Variants in GRID2 observed in about 807,000 individuals in gnomAD.
GRID2 encodes the protein glutamate receptor ionotropic, delta-2.
GRID2 carries 33 observed loss-of-function variants against 114.8 expected under a neutral mutation model. The ratio of observed to expected loss-of-function variants is 0.29; its 90% confidence interval spans 0.22 to 0.38. The LOEUF (loss-of-function observed/expected upper bound fraction) is 0.38. Among genes scored for constraint, GRID2 ranks in the 10% least tolerant of loss-of-function variants. The pLI is 1.00. For synonymous variants in GRID2, 505 were observed against 449.9 expected, an observed-to-expected ratio of 1.12 and a Z score of -1.55; for missense variants, 1,184 against 1,257.7, an observed-to-expected ratio of 0.94 and a Z score of 0.89.
chr4:92,313,456 C>A (rs139537428), intron 1 of GRID2, among the ~76,000 whole-genome samples: 1,830 of 151,378 alleles, frequency 0.012, 39 homozygotes, highest in African/African-American at 0.041. Context: ...CACCTGTACC[C>A]CAATAACTTA....
In GRID2 at chr4:93,122,890, G is replaced by GTTTTTTTTGTTTTTTTT. The variant is rs1733915033; in HGVS notation, c.735+11945_735+11946insGTTTTTTTTTTTTTTTT. Among the ~76,000 whole-genome samples the GTTTTTTTTGTTTTTTTT allele has an allele frequency of 1.3e-4, 9 of 69,776 alleles. No individual in the cohort carries two copies. In the East Asian group the frequency reaches 1.4e-3, roughly 11 times the overall value. 45.8% of individuals were successfully genotyped at this position (69,776 alleles called of 152,430 possible). A position where few individuals can be genotyped will look rare whatever the true frequency, so the allele number is the denominator to read the frequency against. ...GTTACTAGTCAATCCACAGATGTGG[G>GTTTTTTTTGTTTTTTTT]TTTTTTTTTTTTTTTTTTTTTTGAT... On this transcript the variant is annotated intron_variant, in intron 4 of 15. Transcript: ENST00000282020.
At chr4:93,088,890 A>T (rs976255704) in intron 3 of GRID2, among the ~76,000 whole-genome samples, 7 of 152,106 alleles carry the variant, frequency 4.6e-5, no homozygotes, top group Non-Finnish European at 1.0e-4. Flanking sequence ...CTATGATCTT[A>T]ATCATTTATC....
At chr4:93,012,620 G>A (rs1722292344) in intron 2 of GRID2, among the ~76,000 whole-genome samples, 1 of 151,756 alleles carries the variant, frequency 6.6e-6, no homozygotes, top group South Asian at 2.1e-4. Context: ...AATGGCTTGA[G>A]TTTTTGGATC....
chr4:93,035,885 A>G (rs989554645), intron 2 of GRID2, among the ~76,000 whole-genome samples: 1 of 152,178 alleles, frequency 6.6e-6, no homozygotes, highest in Non-Finnish European at 1.5e-5. Context: ...CTTGGTAGCC[A>G]GTTATTAAGC....
intron 14 of GRID2, among the ~76,000 whole-genome samples, chr4:93,754,469 G>A (rs1035631455): frequency 6.6e-6 from 1 of 152,160 alleles, no homozygotes; most frequent in Non-Finnish European, 1.5e-5. Context: ...TATATGGAAT[G>A]CCATTATTTG....
intron 2 of GRID2, among the ~76,000 whole-genome samples, chr4:92,812,866 T>A (rs1039529467): frequency 6.6e-6 from 1 of 152,140 alleles, no homozygotes; most frequent in African/African-American, 2.4e-5. Context: ...ACTTGACAGG[T>A]GTCTGACAGT....
intron 13 of GRID2, among the ~76,000 whole-genome samples, chr4:93,591,205 C>T (rs1199977050): frequency 6.6e-6 from 1 of 150,792 alleles, no homozygotes; most frequent in East Asian, 2.0e-4. Context: ...TCATAGATAG[C>T]TCTTATTATT....
At chr4:92,765,929 A>G (rs1408000499) in intron 2 of GRID2, among the ~76,000 whole-genome samples, 3 of 152,278 alleles carry the variant, frequency 2.0e-5, no homozygotes, top group Non-Finnish European at 4.4e-5. Flanking sequence ...AGTTAGTGGA[A>G]TTCAGGAGAG....
chr4:93,161,082 T>C (rs1579154223), intron 4 of GRID2, among the ~76,000 whole-genome samples: 1 of 151,966 alleles, frequency 6.6e-6, no homozygotes, highest in Admixed American at 6.6e-5. Context: ...TAGCATATCA[T>C]ACAGTCATCA....
intron 7 of GRID2, among the ~76,000 whole-genome samples, chr4:93,236,877 T>G (rs1746860940): frequency 6.6e-6 from 1 of 152,088 alleles, no homozygotes; most frequent in Non-Finnish European, 1.5e-5. Flanking sequence ...TGCCAACGAT[T>G]TCTAAGAGAA....
At chr4:92,935,870 C>G (rs1450507619) in intron 2 of GRID2, among the ~76,000 whole-genome samples, 12 of 137,524 alleles carry the variant, frequency 8.7e-5, no homozygotes, top group Non-Finnish European at 1.9e-4. Flanking sequence ...GAACATCACA[C>G]TCTGGGGACT....
chr4:92,814,457 T>A (rs1221371076), intron 2 of GRID2, among the ~76,000 whole-genome samples: 2 of 152,138 alleles, frequency 1.3e-5, no homozygotes, highest in African/African-American at 4.8e-5. Context: ...AAACTTTATT[T>A]GTGAGGACAT....
intron 2 of GRID2, among the ~76,000 whole-genome samples, chr4:92,998,499 G>A (rs1755339468): frequency 6.6e-6 from 1 of 151,880 alleles, no homozygotes; most frequent in Non-Finnish European, 1.5e-5. Flanking sequence ...AAATGTGTGT[G>A]GTTTCAGTTA....
intron 4 of GRID2, among the ~76,000 whole-genome samples, chr4:93,169,992 CAATG>C (rs1738638623): frequency 6.6e-6 from 1 of 152,242 alleles, no homozygotes; most frequent in East Asian, 1.9e-4. Flanking sequence ...AAAAGGAAAA[CAATG>C]AATGTTATTA....
chr4:93,147,187 A>T (rs1004303797), intron 4 of GRID2, among the ~76,000 whole-genome samples: 4 of 152,186 alleles, frequency 2.6e-5, no homozygotes, highest in African/African-American at 7.2e-5. Context: ...AAAGTAGTCA[A>T]AGGTTACAGG....
At chr4:93,340,786 G>A (rs1367403353) in intron 8 of GRID2, among the ~76,000 whole-genome samples, 3 of 152,152 alleles carry the variant, frequency 2.0e-5, no homozygotes, top group South Asian at 2.1e-4. Flanking sequence ...AGCTCTCAGA[G>A]GGCTTTCTCT....
chr4:92,781,287 A>G (rs1739061829), intron 2 of GRID2, among the ~76,000 whole-genome samples: 1 of 151,986 alleles, frequency 6.6e-6, no homozygotes, highest in African/African-American at 2.4e-5. Flanking sequence ...ACAACAAAAA[A>G]ACAAACATTG....
chr4:93,523,530 A>G (rs1428937649), intron 13 of GRID2, among the ~76,000 whole-genome samples: 1 of 152,186 alleles, frequency 6.6e-6, no homozygotes, highest in East Asian at 1.9e-4. Context: ...GCAGATCCAT[A>G]TCAGTGAGAT....
At chr4:93,806,794 G>C (rs752151213) in exon 2 of GRID2, 1 of 152,230 alleles carries the variant, frequency 6.6e-6, no homozygotes, top group Non-Finnish European at 1.5e-5. Flanking sequence ...AAACTTGGCA[G>C]CAATACCTGG....
Sources: allele counts gnomAD v4.1 joint callset (sites outside exome capture counted in the v4.1 genomes callset), GRCh38; gene constraint gnomAD v4.1.1; transcripts MANE v1.5; gene names NCBI Gene and HGNC (gene_info 2026-07-23, HGNC 2026-07-21).